Variants in B3GLCT observed in about 807,000 individuals in gnomAD.
B3GLCT encodes beta-1,3-glucosyltransferase.
In B3GLCT, 65 loss-of-function variants were observed where a neutral mutation model predicts 63.4. That is an observed-to-expected ratio of 1.03 (90% confidence interval 0.84 to 1.26). The LOEUF (loss-of-function observed/expected upper bound fraction) is 1.26, where lower values mean the gene tolerates loss of function less well. B3GLCT is among the 50% of genes most tolerant of loss of function. The probability of loss-of-function intolerance (pLI) is 0.00; values close to 1 mark genes in which losing one functional copy is unlikely to be tolerated. For missense variants in B3GLCT, 577 were observed against 604.8 expected (o/e 0.95, Z 0.48); for synonymous variants, 233 against 219.2 (o/e 1.06, Z -0.55).
rs139373775 is a variant in B3GLCT at position 31,229,244 on chromosome 13, G to A, written c.220G>A (p.Ala74Thr). ...SQSNSFHAKR[A>T]EQLKKSILKQ... ...AAGTAATTCTTTTCATGCAAAGAGAGCAGAGCAGTTAAAAAAAAGCATCTT... is the reference window on the plus strand; with the variant it reads ...AAGTAATTCTTTTCATGCAAAGAGAACAGAGCAGTTAAAAAAAAGCATCTT... Residue 74 changes from alanine (A) to threonine (T), a missense_variant, in exon 4 of 15, where the codon GCA (alanine) becomes ACA (threonine). Transcript: ENST00000343307. 1 of 1,613,704 alleles carries A rather than the reference G, an allele frequency of 6.2e-7. No homozygotes were observed. The highest frequency in any genetic ancestry group is 8.5e-7 in the Non-Finnish European group (1 of 1,179,612).
rs1875886269 is a variant in B3GLCT at position 31,330,830 on chromosome 13, CT to C, written c.*1170del. 2 of 151,452 alleles carry C rather than the reference CT, an allele frequency of 1.3e-5. No homozygotes were observed. The highest frequency in any genetic ancestry group is 3.0e-5 in the Non-Finnish European group (2 of 67,780). The allele number at this position is 151,452 out of a possible 1,614,324, so 9.4% of individuals were successfully genotyped here. ...TTAAACTAATTTTGGTAAATTACTT[CT>C]TTTTTTTCTTTTTAATAAAAACTGT... On this transcript the variant is annotated 3_prime_UTR_variant, in exon 15 of 15. Transcript: ENST00000343307.
chr13:31,309,354 A>AGTCCTCTTCCTGCTGGGT (rs1874577291), intron 12 of B3GLCT, among the ~76,000 whole-genome samples: 1 of 152,226 alleles, frequency 6.6e-6, no homozygotes, highest in South Asian at 2.1e-4. Context: ...GCAAACAAGC[A>AGTCCTCTTCCTGCTGGGT]GTCCTCTTCC....
In B3GLCT at chr13:31,308,347, T is replaced by A. The variant is rs60897827; in HGVS notation, c.1065-9219T>A. ...TAGAGTATAATAAAAAAAAAAAAATTAAAAAAAAAAAAACAAAAAAAAAAG... is the reference window on the plus strand; with the variant it reads ...TAGAGTATAATAAAAAAAAAAAAATAAAAAAAAAAAAAACAAAAAAAAAAG... On this transcript the variant is annotated intron_variant, in intron 12 of 14. Transcript: ENST00000343307. Among the ~76,000 whole-genome samples the A allele has an allele frequency of 4.6e-3, 108 of 23,656 alleles. 2 individuals carry two copies. Among genetic ancestry groups the A allele is most frequent in the African/African-American group, 6.9e-3 (78 of 11,236 alleles). 15.5% of individuals were successfully genotyped at this position (23,656 alleles called of 152,430 possible).
At chr13:31,207,613 T>C (rs1405017836) in intron 1 of B3GLCT, among the ~76,000 whole-genome samples, 2 of 152,212 alleles carry the variant, frequency 1.3e-5, no homozygotes, top group African/African-American at 2.4e-5. Flanking sequence ...CTCTGGCCCA[T>C]AGAATATGTT....
Position 31,310,780 on chromosome 13 carries a change from G to A in B3GLCT, c.1065-6786G>A, listed in dbSNP as rs191586213. ...CCTGAGCAAAAGGGTAACACCCCTT[G>A]GGGCTCCGCAGTTGCTGGCATCTCC... On this transcript the variant is annotated intron_variant, in intron 12 of 14. Coordinates refer to ENST00000343307, the MANE Select transcript of B3GLCT (RefSeq NM_194318.4). Among the ~76,000 whole-genome samples the A allele has an allele frequency of 4.3e-3, 661 of 152,344 alleles. 3 individuals carry two copies. Among genetic ancestry groups the A allele is most frequent in the Admixed American group, 7.6e-3 (116 of 15,298 alleles).
rs533304911 is a variant in B3GLCT, at chr13:31,309,694, C to T, written c.1065-7872C>T. Among the ~76,000 whole-genome samples the T allele has an allele frequency of 5.3e-5, 8 of 152,256 alleles. No homozygotes were observed. The East Asian group carries it at 1.5e-3, about 29-fold the overall frequency. ...GGAGCTTCCTTGCCCCACTTGGGTGCTCAACCCCCAGGAATCTGCACATGT... is the reference window on the plus strand; with the variant it reads ...GGAGCTTCCTTGCCCCACTTGGGTGTTCAACCCCCAGGAATCTGCACATGT... On this transcript the variant is annotated intron_variant, in intron 12 of 14. Transcript: ENST00000343307.
intron 1 of B3GLCT, among the ~76,000 whole-genome samples, chr13:31,213,624 C>CCCCCCCCCCCCCCCCCCCCCCCCCCA (rs1555244560): frequency 1.4e-5 from 1 of 73,024 alleles, no homozygotes; most frequent in Non-Finnish European, 3.1e-5. Context: ...CCACCCCACC[C>CCCCCCCCCCCCCCCCCCCCCCCCCCA]CCCCCCCCCG....
intron 1 of B3GLCT, among the ~76,000 whole-genome samples, chr13:31,205,554 G>A (rs1311483477): frequency 1.3e-5 from 2 of 151,406 alleles, no homozygotes; most frequent in African/African-American, 4.8e-5. Context: ...GTGAGACTCC[G>A]TCTAAAAGAA....
chr13:31,281,365 G>A (rs1243610071), intron 10 of B3GLCT, among the ~76,000 whole-genome samples: 2 of 152,130 alleles, frequency 1.3e-5, no homozygotes, highest in East Asian at 3.9e-4. Context: ...ATTGAAAGGG[G>A]TGTTTGGTGG....
chr13:31,228,306 G>A (rs1054980269), intron 3 of B3GLCT, among the ~76,000 whole-genome samples: 2 of 152,200 alleles, frequency 1.3e-5, no homozygotes, highest in African/African-American at 4.8e-5. Context: ...AAACCCTTCT[G>A]AACTCATGGG....
rs1019114242 is a variant in B3GLCT at position 31,314,896 on chromosome 13, C to T, written c.1065-2670C>T. 3.9e-5 allele frequency among the ~76,000 whole-genome samples: 6 copies of T among 152,294 alleles called. No individual in the cohort carries two copies. In the East Asian group the frequency reaches 1.2e-3, roughly 29 times the overall value. On this transcript the variant is annotated intron_variant, in intron 12 of 14. Coordinates refer to ENST00000343307, the MANE Select transcript of B3GLCT (RefSeq NM_194318.4). ...AGGTAATTGAATCCTGAGGGCTGGT[C>T]TTTCCCGTGCTGTTCTCATGATAGT...
chr13:31,240,481 T>TC (rs943459260), intron 4 of B3GLCT, among the ~76,000 whole-genome samples: 2 of 151,226 alleles, frequency 1.3e-5, no homozygotes, highest in Admixed American at 6.6e-5. Context: ...TTTTTTTCTT[T>TC]TTTTTTTTTT....
intron 1 of B3GLCT, among the ~76,000 whole-genome samples, chr13:31,213,526 G>T (rs992186207): frequency 2.0e-5 from 3 of 151,650 alleles, no homozygotes; most frequent in African/African-American, 4.8e-5. Context: ...AATGAAGGTT[G>T]CAGTGAGCTG....
At chr13:31,325,725 G>T (rs945273483) in intron 14 of B3GLCT, among the ~76,000 whole-genome samples, 1 of 152,174 alleles carries the variant, frequency 6.6e-6, no homozygotes, top group African/African-American at 2.4e-5. Flanking sequence ...GTTTGGTAAC[G>T]ATTTGGATAG....
intron 10 of B3GLCT, among the ~76,000 whole-genome samples, chr13:31,279,704 G>A (rs1430192904): frequency 6.6e-6 from 1 of 152,164 alleles, no homozygotes. Context: ...AGGGGACAGG[G>A]TTTGAGAGCA....
At chr13:31,262,844 A>G (rs1025340813) in intron 7 of B3GLCT, among the ~76,000 whole-genome samples, 5 of 152,090 alleles carry the variant, frequency 3.3e-5, no homozygotes, top group Admixed American at 1.3e-4. Flanking sequence ...ACTTAGTTTT[A>G]TAGTATAGAA....
intron 10 of B3GLCT, among the ~76,000 whole-genome samples, chr13:31,281,890 C>T (rs1593294675): frequency 6.6e-6 from 1 of 152,142 alleles, no homozygotes. Context: ...AGTCACCTCC[C>T]TGGGGGTAAA....
intron 1 of B3GLCT, among the ~76,000 whole-genome samples, chr13:31,205,082 A>G (rs763032281): frequency 1.2e-4 from 19 of 152,122 alleles, no homozygotes; most frequent in Non-Finnish European, 2.4e-4. Flanking sequence ...GGTGAAGCTG[A>G]GTAAGTTCAG....
intron 4 of B3GLCT, among the ~76,000 whole-genome samples, chr13:31,245,721 A>T (rs7995134): frequency 2.6e-5 from 4 of 152,124 alleles, no homozygotes; most frequent in African/African-American, 4.8e-5. Context: ...AAATAGTAAC[A>T]TCATTAGTTT....
Sources: allele counts gnomAD v4.1 joint callset (sites outside exome capture counted in the v4.1 genomes callset), GRCh38; gene constraint gnomAD v4.1.1; transcripts MANE v1.5; gene names NCBI Gene and HGNC (gene_info 2026-07-23, HGNC 2026-07-21).